Variants in XRCC4 observed in about 807,000 individuals in gnomAD.
The protein encoded by XRCC4 is DNA repair protein XRCC4.
In XRCC4, 28 loss-of-function variants were observed where a neutral mutation model predicts 39.1. The ratio of observed to expected loss-of-function variants is 0.72; its 90% CI spans 0.53 to 0.98. The LOEUF (loss-of-function observed/expected upper bound fraction) is 0.98, where lower values mean the gene tolerates loss of function less well. Ranked by LOEUF, XRCC4 falls within the 50% of genes least tolerant of loss-of-function variation. XRCC4 has a pLI of 0.00. For synonymous variants in XRCC4, 123 were observed against 126.4 expected (o/e 0.97, Z 0.18); for missense variants, 350 against 376.4 (o/e 0.93, Z 0.58).
intron 6 of XRCC4, among the ~76,000 whole-genome samples, chr5:83,212,756 C>T (rs1167777343): frequency 6.6e-6 from 1 of 150,874 alleles, no homozygotes; most frequent in Non-Finnish European, 1.5e-5. Context: ...GGTGAAACCC[C>T]GTCTCTATAA....
intron 3 of XRCC4, among the ~76,000 whole-genome samples, chr5:83,124,089 A>G (rs1331050903): frequency 6.6e-6 from 1 of 152,078 alleles, no homozygotes; most frequent in Admixed American, 6.6e-5. Context: ...TAAACTACAG[A>G]CTGTACACAG....
At chr5:83,340,622 A>AC (rs1471692809) in intron 7 of XRCC4, among the ~76,000 whole-genome samples, 1 of 151,704 alleles carries the variant, frequency 6.6e-6, no homozygotes, top group Non-Finnish European at 1.5e-5. Context: ...ACAAGCTAAA[A>AC]AAAAAAAACA....
chr5:83,240,003 AAAAAAC>A lies in XRCC4; in HGVS notation c.746-18513_746-18508del, dbSNP rs928150007. 2.6e-5 allele frequency among the ~76,000 whole-genome samples: 4 copies of A among 151,668 alleles called. No individual in the cohort carries two copies. In the East Asian group the frequency reaches 5.8e-4, roughly 22 times the overall value. The stretch of plus-strand genomic sequence containing the variant: ...TGAGACCCTGGCTCTACAGAGGAAA[AAAAAAC>A]AAAAACAAAAACACTTTACCTGAAT... On this transcript the variant is annotated intron_variant, in intron 6 of 7. Transcript: ENST00000396027.
intron 3 of XRCC4, among the ~76,000 whole-genome samples, chr5:83,193,261 A>C (rs1009269029): frequency 3.9e-5 from 6 of 151,992 alleles, no homozygotes; most frequent in African/African-American, 1.5e-4. Context: ...CGGGCCAAAT[A>C]CTTTTGAGAA....
At chr5:83,131,519 C>A (rs1382637991) in intron 3 of XRCC4, among the ~76,000 whole-genome samples, 1 of 152,106 alleles carries the variant, frequency 6.6e-6, no homozygotes, top group Admixed American at 6.6e-5. Context: ...ATCTAAGTCT[C>A]TTTGTAAGTC....
intron 7 of XRCC4, among the ~76,000 whole-genome samples, chr5:83,264,779 A>C (rs76558939): frequency 0.016 from 2,436 of 152,240 alleles, 61 homozygotes; most frequent in African/African-American, 0.055. Flanking sequence ...TATGGGAGGA[A>C]AATAATATCT....
the XRCC4 span, among the ~76,000 whole-genome samples, chr5:83,373,297 A>C: frequency 3.9e-5 from 6 of 152,206 alleles, no homozygotes; most frequent in East Asian, 9.7e-4. Flanking sequence ...TTGAGTGTTG[A>C]ATTGCTTTTT....
chr5:83,284,075 A>C (rs1046205595), intron 7 of XRCC4, among the ~76,000 whole-genome samples: 3 of 150,904 alleles, frequency 2.0e-5, no homozygotes, highest in Middle Eastern at 3.2e-3. Flanking sequence ...AAAAAAAAAA[A>C]AAACGAATAA....
At chr5:83,262,933 G>T (rs532146234) in intron 7 of XRCC4, among the ~76,000 whole-genome samples, 1 of 146,038 alleles carries the variant, frequency 6.8e-6, no homozygotes, top group African/African-American at 2.5e-5. Context: ...ATGCTGGTGC[G>T]CTGCACCCAC....
chr5:83,365,413 G>C, the XRCC4 span, among the ~76,000 whole-genome samples: 1 of 152,230 alleles, frequency 6.6e-6, no homozygotes, highest in African/African-American at 2.4e-5. Context: ...GAAAAAGAAA[G>C]ATAAAACAAG....
At chr5:83,184,064 A>G (rs556506728) in intron 3 of XRCC4, among the ~76,000 whole-genome samples, 1 of 152,276 alleles carries the variant, frequency 6.6e-6, no homozygotes, top group Non-Finnish European at 1.5e-5. Flanking sequence ...AAGTTTAAAA[A>G]AATTTTTAAT....
At chr5:83,128,749 T>A (rs1287073932) in intron 3 of XRCC4, among the ~76,000 whole-genome samples, 4 of 152,170 alleles carry the variant, frequency 2.6e-5, no homozygotes, top group African/African-American at 9.7e-5. Context: ...TTTTCATGTG[T>A]TTTTGGGCTG....
chr5:83,231,080 A>G (rs1752478932), intron 6 of XRCC4, among the ~76,000 whole-genome samples: 1 of 152,064 alleles, frequency 6.6e-6, no homozygotes, highest in African/African-American at 2.4e-5. Flanking sequence ...GAGAGGCAGC[A>G]TAGCCTATTT....
At chr5:83,287,642 A>G (rs1167594302) in intron 7 of XRCC4, among the ~76,000 whole-genome samples, 6 of 151,900 alleles carry the variant, frequency 3.9e-5, no homozygotes, top group African/African-American at 9.7e-5. Flanking sequence ...GACCATCTGT[A>G]TAGTGTTAAG....
chr5:83,203,196 TAGTACTGAGGAAACAGG>T (rs1751281583), intron 4 of XRCC4, among the ~76,000 whole-genome samples: 3 of 152,142 alleles, frequency 2.0e-5, no homozygotes, highest in African/African-American at 7.2e-5. Context: ...AATATTAACA[TAGTACTGAGGAAACAGG>T]CTACATTTAC....
At chr5:83,258,446 T>C in intron 6 of XRCC4, 84 bp from the exon 7 acceptor site, 1 of 1,483,876 alleles carries the variant, frequency 6.7e-7, no homozygotes, top group Non-Finnish European at 9.2e-7. Context: ...TGTCACCTTA[T>C]GTCAATGCTA....
chr5:83,190,322 A>G (rs1281177897), intron 3 of XRCC4, among the ~76,000 whole-genome samples: 1 of 152,150 alleles, frequency 6.6e-6, no homozygotes, highest in African/African-American at 2.4e-5. Context: ...GTATATATCT[A>G]CAATAGACAA....
At chr5:83,107,861 A>G (rs960784718) in intron 2 of XRCC4, among the ~76,000 whole-genome samples, 2 of 151,962 alleles carry the variant, frequency 1.3e-5, no homozygotes, top group Admixed American at 1.3e-4. Flanking sequence ...TAAATCAAGC[A>G]GTGAAATGGG....
chr5:83,166,074 A>G (rs1479920864), intron 3 of XRCC4, among the ~76,000 whole-genome samples: 1 of 151,568 alleles, frequency 6.6e-6, no homozygotes, highest in Non-Finnish European at 1.5e-5. Context: ...TTTAGTAGAG[A>G]TGGGGTTTCG....
Sources: gnomAD v4.1 joint callset for allele counts (sites outside exome capture counted in the v4.1 genomes callset) on GRCh38, gnomAD v4.1.1 for gene constraint, MANE v1.5 for transcripts, NCBI Gene and HGNC (gene_info 2026-07-23, HGNC 2026-07-21) for gene names.